Variants in PSD3 observed in about 807,000 individuals in gnomAD.
PSD3 encodes pleckstrin and Sec7 domain containing 3.
Under a neutral mutation model 105.5 loss-of-function variants are expected in PSD3, and 49 were observed. That is an observed-to-expected ratio of 0.46 (90% CI 0.37 to 0.59). The LOEUF is 0.59. Among genes scored for constraint, PSD3 ranks in the 20% least tolerant of loss-of-function variants. The pLI, the probability that PSD3 is intolerant of heterozygous loss-of-function variation, is 0.00. For missense variants in PSD3, 1,561 were observed against 1,263.8 expected, an observed-to-expected ratio of 1.24 and a Z score of -3.57; for synonymous variants, 557 against 457.8, an observed-to-expected ratio of 1.22 and a Z score of -2.77.
chr8:18,888,834 A>C (rs574303972), intron 2 of PSD3, among the ~76,000 whole-genome samples: 1 of 152,244 alleles, frequency 6.6e-6, no homozygotes, highest in African/African-American at 2.4e-5. Flanking sequence ...GCTCCTTCCA[A>C]GGGGAGGAAA....
At chr8:18,808,625 CAAAGGAT>C (rs1811408553) in intron 4 of PSD3, 2 of 1,228,798 alleles carry the variant, frequency 1.6e-6, no homozygotes, top group Non-Finnish European at 2.3e-6. Flanking sequence ...AAATAAAGCA[CAAAGGAT>C]AAATATGTCC....
chr8:18,890,581 T>A (rs57393047), intron 2 of PSD3, among the ~76,000 whole-genome samples: 1 of 152,148 alleles, frequency 6.6e-6, no homozygotes, highest in Non-Finnish European at 1.5e-5. Flanking sequence ...AGGGTATACA[T>A]ACGACCCTCC....
intron 12 of PSD3, among the ~76,000 whole-genome samples, chr8:18,584,448 G>C (rs917480077): frequency 2.6e-5 from 4 of 152,182 alleles, no homozygotes; most frequent in Non-Finnish European, 5.9e-5. Context: ...ATATTAGCTT[G>C]GCTAGTACCA....
At position 18,703,973 on chromosome 8, in the gene PSD3, G is replaced by A. The variant is rs540524468; in HGVS notation, c.2173-48288C>T. On this transcript the variant is annotated intron_variant, in intron 9 of 15. Transcript: ENST00000327040. ...TGATTCCAAAAAGCAGCTGATCCACGAAAAAGGGAAAAAAAAGAAAAAAGG... is the reference window on the plus strand; with the variant it reads ...TGATTCCAAAAAGCAGCTGATCCACAAAAAAGGGAAAAAAAAGAAAAAAGG... Among the ~76,000 whole-genome samples, 170 of 151,160 alleles carry A rather than the reference G, an allele frequency of 1.1e-3. 1 individual carries two copies. The highest frequency in any genetic ancestry group is 6.8e-3 in the Middle Eastern group (2 of 294).
Position 19,006,772 on chromosome 8 carries a change from T to C in PSD3, c.21+6791A>G, listed in dbSNP as rs149723714. On this transcript the variant is annotated intron_variant, in intron 1 of 15. Transcript: ENST00000327040. ...ACAATCCTTGCCAATACAGATGCTATTCAGACATTTTTCCTGTCAATTTCA... is the reference window on the plus strand; with the variant it reads ...ACAATCCTTGCCAATACAGATGCTACTCAGACATTTTTCCTGTCAATTTCA... Among the ~76,000 whole-genome samples the C allele has an allele frequency of 6.0e-4, 92 of 152,206 alleles. 2 individuals are homozygous for C. Among genetic ancestry groups the C allele is most frequent in the Non-Finnish European group, 2.9e-5 (2 of 67,986 alleles).
chr8:18,784,758 C>T (rs1808969448), intron 8 of PSD3, among the ~76,000 whole-genome samples: 1 of 152,146 alleles, frequency 6.6e-6, no homozygotes, highest in Non-Finnish European at 1.5e-5. Context: ...GTTGGGGCTT[C>T]TGTCCCTGTG....
At chr8:18,656,716 C>T (rs1808922179) in intron 9 of PSD3, among the ~76,000 whole-genome samples, 1 of 152,098 alleles carries the variant, frequency 6.6e-6, no homozygotes, top group African/African-American at 2.4e-5. Flanking sequence ...TACCGAGAAA[C>T]ATTTTTTTAA....
At chr8:18,702,135 T>C (rs1209974228) in intron 9 of PSD3, among the ~76,000 whole-genome samples, 1 of 152,234 alleles carries the variant, frequency 6.6e-6, no homozygotes, top group Non-Finnish European at 1.5e-5. Context: ...TTTACACCAA[T>C]AACTTGTCCA....
intron 1 of PSD3, among the ~76,000 whole-genome samples, chr8:18,943,137 G>C (rs913707224): frequency 2.6e-5 from 4 of 152,154 alleles, no homozygotes; most frequent in Non-Finnish European, 4.4e-5. Context: ...AGACAGGGTG[G>C]CTGCAAAGAT....
At chr8:18,951,569 G>A (rs1823236927) in intron 1 of PSD3, among the ~76,000 whole-genome samples, 1 of 152,170 alleles carries the variant, frequency 6.6e-6, no homozygotes, top group South Asian at 2.1e-4. Flanking sequence ...GGCTTCTTGA[G>A]GGTATTTTAC....
chr8:18,927,749 C>G (rs565273345), intron 2 of PSD3, among the ~76,000 whole-genome samples: 2 of 152,270 alleles, frequency 1.3e-5, no homozygotes, highest in African/African-American at 4.8e-5. Context: ...CTGAAGCTAC[C>G]TAGGGGCTGA....
rs1809372994 is a variant in PSD3, at chr8:18,788,269, G to A, written c.2082+11026C>T. ...GGCACTTTCCCCTGACCATAACAGA[G>A]AAGCAGCTCCCAACTTCTGTTGCAA... On this transcript the variant is annotated intron_variant, in intron 8 of 15. Coordinates refer to ENST00000327040, the MANE Select transcript of PSD3 (RefSeq NM_015310.4). 2.0e-5 allele frequency among the ~76,000 whole-genome samples: 3 copies of A among 152,196 alleles called. No homozygotes were observed. In the South Asian group the frequency reaches 6.2e-4, roughly 32 times the overall value.
At chr8:19,078,203 C>T (rs1829521785) in intron 1 of PSD3, among the ~76,000 whole-genome samples, 1 of 151,920 alleles carries the variant, frequency 6.6e-6, no homozygotes, top group African/African-American at 2.4e-5. Flanking sequence ...GCCAGGAAAA[C>T]AAAAGTCTTT....
chr8:18,588,833 T>C (rs1563352349), intron 12 of PSD3, among the ~76,000 whole-genome samples: 1 of 152,222 alleles, frequency 6.6e-6, no homozygotes, highest in South Asian at 2.1e-4. Context: ...TAGGAAAAGC[T>C]GGTACCTTTG....
At chr8:18,599,529 G>C (rs1434636139) in intron 12 of PSD3, among the ~76,000 whole-genome samples, 1 of 152,084 alleles carries the variant, frequency 6.6e-6, no homozygotes, top group Non-Finnish European at 1.5e-5. Flanking sequence ...GCTACAGTAG[G>C]CTCCCCTTAT....
At chr8:18,682,129 C>A (rs1165908526) in intron 9 of PSD3, among the ~76,000 whole-genome samples, 3 of 152,090 alleles carry the variant, frequency 2.0e-5, no homozygotes, top group African/African-American at 7.2e-5. Flanking sequence ...ATGCTGGATT[C>A]CAACATTACA....
At chr8:18,589,987 G>A (rs547784966) in intron 12 of PSD3, among the ~76,000 whole-genome samples, 1 of 151,852 alleles carries the variant, frequency 6.6e-6, no homozygotes, top group East Asian at 1.9e-4. Flanking sequence ...GTGCTGTCTT[G>A]GAATCTGTTG....
At chr8:19,066,980 C>T (rs1209698679) in intron 1 of PSD3, among the ~76,000 whole-genome samples, 2 of 152,078 alleles carry the variant, frequency 1.3e-5, no homozygotes. Flanking sequence ...ATTATAAACA[C>T]CTCAAAGAAA....
chr8:19,076,998 T>A (rs535814379), intron 1 of PSD3, among the ~76,000 whole-genome samples: 12 of 152,212 alleles, frequency 7.9e-5, no homozygotes, highest in Non-Finnish European at 1.6e-4. Context: ...ATTTTCCTAG[T>A]CTTGATTGTT....
Sources: allele counts gnomAD v4.1 joint callset (sites outside exome capture counted in the v4.1 genomes callset), GRCh38; gene constraint gnomAD v4.1.1; transcripts MANE v1.5; gene names NCBI Gene and HGNC (gene_info 2026-07-23, HGNC 2026-07-21).